Variants in RBFOX1 observed in about 807,000 individuals in gnomAD.
The protein encoded by RBFOX1 is RNA binding protein fox-1 homolog 1.
In RBFOX1, 8 loss-of-function variants were observed where a neutral mutation model predicts 57.7. That is an observed-to-expected ratio of 0.14 (90% CI 0.08 to 0.25). RBFOX1 has a LOEUF of 0.25. Among genes scored for constraint, RBFOX1 ranks in the 10% least tolerant of loss-of-function variants. The pLI is 1.00. For missense variants in RBFOX1, 611 were observed against 548.5 expected (o/e 1.11, Z -1.14); for synonymous variants, 326 against 222.4 (o/e 1.47, Z -4.15).
chr16:6,985,189 C>G (rs578186585), intron 3 of RBFOX1, among the ~76,000 whole-genome samples: 2 of 139,290 alleles, frequency 1.4e-5, no homozygotes, highest in South Asian at 5.2e-4. Context: ...AATGTGATCA[C>G]ATTCTATTTT....
At chr16:6,993,789 A>T (rs898200926) in intron 3 of RBFOX1, among the ~76,000 whole-genome samples, 1 of 152,186 alleles carries the variant, frequency 6.6e-6, no homozygotes, top group African/African-American at 2.4e-5. Context: ...ATCCTGGAGC[A>T]TGGAAACTGT....
chr16:7,328,432 A>G (rs1001081183), intron 4 of RBFOX1, among the ~76,000 whole-genome samples: 1 of 145,212 alleles, frequency 6.9e-6, no homozygotes, highest in Non-Finnish European at 1.5e-5. Flanking sequence ...GTGAGCTGAG[A>G]TCATGCCATT....
intron 1 of RBFOX1, among the ~76,000 whole-genome samples, chr16:6,073,707 T>C (rs946998722): frequency 7.9e-5 from 12 of 152,214 alleles, no homozygotes; most frequent in Non-Finnish European, 1.8e-4. Context: ...TAAATTTTAA[T>C]AGAGTTTTTA....
chr16:6,387,259 G>A (rs1355299819), intron 2 of RBFOX1, among the ~76,000 whole-genome samples: 1 of 152,070 alleles, frequency 6.6e-6, no homozygotes, highest in African/African-American at 2.4e-5. Context: ...AGCATCCGTA[G>A]CCTTCATTTT....
At chr16:7,221,551 G>C (rs59428811) in intron 4 of RBFOX1, among the ~76,000 whole-genome samples, 2 of 152,112 alleles carry the variant, frequency 1.3e-5, no homozygotes, top group East Asian at 3.9e-4. Flanking sequence ...ATTTTTAGTA[G>C]AGAAGGGGTC....
chr16:5,397,191 A>G (rs371537631), intron 1 of RBFOX1, among the ~76,000 whole-genome samples: 4 of 152,198 alleles, frequency 2.6e-5, no homozygotes, highest in African/African-American at 9.6e-5. Flanking sequence ...TGACTCTCCA[A>G]TCCCTGGTAG....
intron 1 of RBFOX1, among the ~76,000 whole-genome samples, chr16:5,325,740 C>T (rs1421833995): frequency 1.3e-5 from 2 of 152,188 alleles, no homozygotes; most frequent in African/African-American, 2.4e-5. Context: ...GAGCATCACA[C>T]AAGTGGTTGT....
intron 2 of RBFOX1, among the ~76,000 whole-genome samples, chr16:6,431,078 C>T (rs1406993774): frequency 1.3e-5 from 2 of 151,736 alleles, no homozygotes; most frequent in East Asian, 3.9e-4. Flanking sequence ...TTTGAGGATG[C>T]AGTGAGCCAG....
intron 4 of RBFOX1, among the ~76,000 whole-genome samples, chr16:7,440,380 A>G (rs906952043): frequency 5.3e-5 from 8 of 152,170 alleles, no homozygotes; most frequent in African/African-American, 1.9e-4. Flanking sequence ...GAAAGGAGGT[A>G]GAAAATGAAT....
At chr16:6,636,575 T>A (rs1317196998) in intron 2 of RBFOX1, among the ~76,000 whole-genome samples, 1 of 151,720 alleles carries the variant, frequency 6.6e-6, no homozygotes, top group Non-Finnish European at 1.5e-5. Flanking sequence ...TCTCTTTTAT[T>A]TGGTTTAAGT....
At chr16:7,010,898 A>C (rs1166345830) in intron 3 of RBFOX1, among the ~76,000 whole-genome samples, 1 of 152,128 alleles carries the variant, frequency 6.6e-6, no homozygotes, top group Non-Finnish European at 1.5e-5. Flanking sequence ...TCTTGAGCAG[A>C]AGATAGTGTG....
At chr16:6,239,561 C>G (rs751725077) in intron 1 of RBFOX1, among the ~76,000 whole-genome samples, 31 of 129,176 alleles carry the variant, frequency 2.4e-4, no homozygotes, top group Admixed American at 1.9e-3. Context: ...TGCAGTGGCA[C>G]AACCTCGGCT....
chr16:7,191,140 C>T (rs145502814), intron 4 of RBFOX1, among the ~76,000 whole-genome samples: 2,678 of 152,224 alleles, frequency 0.018, 40 homozygotes, highest in Non-Finnish European at 0.023. Flanking sequence ...TCTTCACCAT[C>T]ATACTTTATA....
chr16:6,800,987 ATGTT>A lies in RBFOX1; in HGVS notation c.-16+146342_-16+146345del, dbSNP rs1166823840. Among the ~76,000 whole-genome samples, 3 of 152,136 alleles carry A rather than the reference ATGTT, an allele frequency of 2.0e-5. No individual in the cohort carries two copies. The South Asian group carries it at 6.2e-4, about 32-fold the overall frequency. On this transcript the variant is annotated intron_variant, in intron 3 of 15. Transcript: ENST00000550418. The stretch of plus-strand genomic sequence containing the variant: ...TGACAACAGTGTGGGAAATCAATAA[ATGTT>A]TGTTCAATAAATGAAAAAGTGAGAA...
intron 2 of RBFOX1, among the ~76,000 whole-genome samples, chr16:6,407,567 G>GTGTC (rs67151505): frequency 0.048 from 6,920 of 145,016 alleles, 639 homozygotes; most frequent in African/African-American, 0.17. Flanking sequence ...GTGTGTGTGT[G>GTGTC]ACAGAGAGAG....
At chr16:6,268,246 T>TAC (rs1294440977) in intron 1 of RBFOX1, among the ~76,000 whole-genome samples, 3 of 152,218 alleles carry the variant, frequency 2.0e-5, no homozygotes, top group Admixed American at 2.0e-4. Context: ...TCCCTAGATT[T>TAC]ACATCTCTTT....
At chr16:5,926,209 C>A (rs897867146) in intron 4 of RBFOX1, among the ~76,000 whole-genome samples, 5 of 152,132 alleles carry the variant, frequency 3.3e-5, no homozygotes, top group African/African-American at 1.2e-4. Flanking sequence ...ATGAGATATG[C>A]GTATAATTAC....
intron 3 of RBFOX1, among the ~76,000 whole-genome samples, chr16:6,899,556 A>C (rs1442265173): frequency 6.6e-6 from 1 of 152,200 alleles, no homozygotes; most frequent in African/African-American, 2.4e-5. Context: ...TGTAGATTAC[A>C]ACTCCATCTC....
chr16:6,315,879 T>C (rs929402340), intron 1 of RBFOX1, among the ~76,000 whole-genome samples: 2 of 152,168 alleles, frequency 1.3e-5, no homozygotes, highest in Non-Finnish European at 2.9e-5. Context: ...TACACACACA[T>C]ATATATATCC....
Sources: gnomAD v4.1 joint callset for allele counts (sites outside exome capture counted in the v4.1 genomes callset) on GRCh38, gnomAD v4.1.1 for gene constraint, MANE v1.5 for transcripts, NCBI Gene and HGNC (gene_info 2026-07-23, HGNC 2026-07-21) for gene names.